DNAAF5: variants seen among roughly 807,000 people sequenced by gnomAD.
DNAAF5 encodes dynein axonemal assembly factor 5, also known as HEAT repeat containing 2.
DNAAF5 carries 64 observed loss-of-function variants against 75.8 expected under a neutral mutation model. The ratio of observed to expected loss-of-function variants is 0.84; its 90% CI spans 0.69 to 1.04. The LOEUF (loss-of-function observed/expected upper bound fraction) is 1.04, where lower values mean the gene tolerates loss of function less well. Among genes scored for constraint, DNAAF5 ranks in the 50% least tolerant of loss-of-function variants. The pLI is 0.00. For missense variants in DNAAF5, 1,269 were observed against 1,178.5 expected, an observed-to-expected ratio of 1.08 and a Z score of -1.12; for synonymous variants, 657 against 557.2, an observed-to-expected ratio of 1.18 and a Z score of -2.52.
At chr7:776,035 T>C (rs1197042098) in intron 11 of DNAAF5, among the ~76,000 whole-genome samples, 1 of 152,120 alleles carries the variant, frequency 6.6e-6, no homozygotes, top group Non-Finnish European at 1.5e-5. Flanking sequence ...TGGCTTGTTT[T>C]ATAGAAAAAA....
chr7:755,382 G>A (rs1414450835), intron 5 of DNAAF5, among the ~76,000 whole-genome samples: 1 of 152,078 alleles, frequency 6.6e-6, no homozygotes, highest in Non-Finnish European at 1.5e-5. Context: ...CTCCTCACTA[G>A]GCCGGGCCAC....
At chr7:769,088 G>A (rs1466603317) in intron 8 of DNAAF5, 13 of 725,914 alleles carry the variant, frequency 1.8e-5, no homozygotes, top group South Asian at 5.8e-5. Context: ...AGTACATTGC[G>A]TCTCCGTGTG....
intron 4 of DNAAF5, among the ~76,000 whole-genome samples, chr7:748,462 C>T (rs1011245999): frequency 1.3e-5 from 2 of 152,176 alleles, no homozygotes; most frequent in African/African-American, 4.8e-5. Context: ...TCCATTAAAT[C>T]GAGTTCTGTG....
Position 770,477 on chromosome 7 carries a change from C to T in DNAAF5, c.1790C>T (p.Ala597Val). The T allele has an allele frequency of 6.2e-7, 1 of 1,613,110 alleles. No individual in the cohort carries two copies. Among genetic ancestry groups the T allele is most frequent in the Middle Eastern group, 1.7e-4 (1 of 6,034 alleles). ...FSVIVAQSGP[A>V]LGEALPHVVP... The stretch of plus-strand genomic sequence containing the variant: ...CCTCTGTTGTGTCTTACAGGCCCTG[C>T]CCTGGGAGAAGCCCTGCCACACGTC... The change falls in exon 9 of 13, where the codon GCC becomes GTC. Residue 597 changes from alanine to valine, a missense_variant. By Grantham distance (64) the Ala-to-Val change is moderately conservative. Coordinates refer to ENST00000297440, the MANE Select transcript of DNAAF5 (RefSeq NM_017802.4).
intron 7 of DNAAF5, among the ~76,000 whole-genome samples, chr7:762,866 A>G (rs1041970569): frequency 1.2e-4 from 18 of 152,194 alleles, no homozygotes; most frequent in African/African-American, 4.1e-4. Context: ...CACCTGCCTC[A>G]GCCTCCCAAA....
At chr7:775,511 GGTGTGTGTGT>G (rs10582414) in intron 11 of DNAAF5, among the ~76,000 whole-genome samples, 32 of 150,504 alleles carry the variant, frequency 2.1e-4, no homozygotes, top group African/African-American at 7.8e-4. Context: ...TAAAAGTAGG[GGTGTGTGTGT>G]GTGTGTGTGT....
chr7:738,340 C>T (rs1454648974), intron 2 of DNAAF5, among the ~76,000 whole-genome samples: 4 of 152,068 alleles, frequency 2.6e-5, no homozygotes, highest in Non-Finnish European at 5.9e-5. Context: ...TTGGATTTTG[C>T]TGGGCTTCCT....
chr7:749,012 C>G (rs1250613089), intron 4 of DNAAF5, among the ~76,000 whole-genome samples: 2 of 152,210 alleles, frequency 1.3e-5, no homozygotes, highest in African/African-American at 2.4e-5. Flanking sequence ...AAGGTACACA[C>G]CATGTGGAAA....
chr7:773,208 C>G (rs376316309), intron 9 of DNAAF5, among the ~76,000 whole-genome samples: 1 of 152,194 alleles, frequency 6.6e-6, no homozygotes, highest in Non-Finnish European at 1.5e-5. Flanking sequence ...GCGTGTAAAT[C>G]ACACCACACC....
intron 4 of DNAAF5, among the ~76,000 whole-genome samples, chr7:745,179 C>T (rs1782044690): frequency 6.6e-6 from 1 of 152,190 alleles, no homozygotes; most frequent in Non-Finnish European, 1.5e-5. Context: ...GCCTGTCTGC[C>T]TAATTCATGC....
At chr7:755,714 G>A (rs1188430569) in intron 5 of DNAAF5, among the ~76,000 whole-genome samples, 3 of 152,128 alleles carry the variant, frequency 2.0e-5, no homozygotes, top group Non-Finnish European at 4.4e-5. Context: ...CTGGGCGACG[G>A]AATGAGACGC....
rs115650310 is a variant in DNAAF5 at position 744,950 on chromosome 7, G to A, written c.1024+3485G>A. On this transcript the variant is annotated intron_variant, in intron 4 of 12. Transcript: ENST00000297440. ...GGAACTTAGACACGAGGCCACTTAC[G>A]AACTCACTGTTGAACTCACACTCTT... is the stretch of plus-strand genomic sequence containing the variant. Among the ~76,000 whole-genome samples, 1,137 of 152,234 alleles carry A rather than the reference G, an allele frequency of 7.5e-3. 15 individuals are homozygous for A. The highest frequency in any genetic ancestry group is 0.026 in the African/African-American group (1,067 of 41,514).
intron 4 of DNAAF5, among the ~76,000 whole-genome samples, chr7:747,191 C>T (rs1234552120): frequency 6.6e-6 from 1 of 152,228 alleles, no homozygotes. Context: ...AGAAACTCAC[C>T]ACACACTGTT....
rs1039320097 is a variant in DNAAF5 at position 786,429 on chromosome 7, G to T, written c.*776G>T. 4 of 152,226 alleles carry T rather than the reference G, an allele frequency of 2.6e-5. No homozygotes were observed. The highest frequency in any genetic ancestry group is 5.9e-5 in the Non-Finnish European group (4 of 68,050). 9.4% of individuals were successfully genotyped at this position (152,226 alleles called of 1,614,324 possible). On this transcript the variant is annotated 3_prime_UTR_variant, in exon 13 of 13. Transcript: ENST00000297440. Reference sequence around the variant, plus strand: ...TATATATTTTTCAACAAATATTAACGTTTATACTTTCATGTTTGAAAATTT... The same window carrying T: ...TATATATTTTTCAACAAATATTAACTTTTATACTTTCATGTTTGAAAATTT...
chr7:731,393 A>G (rs1196000443), intron 2 of DNAAF5, among the ~76,000 whole-genome samples: 1 of 152,188 alleles, frequency 6.6e-6, no homozygotes, highest in Non-Finnish European at 1.5e-5. Context: ...CTGGAACTCT[A>G]TTGCTAGCTG....
intron 2 of DNAAF5, among the ~76,000 whole-genome samples, chr7:732,335 G>A (rs550443240): frequency 3.3e-5 from 5 of 152,366 alleles, no homozygotes; most frequent in East Asian, 1.9e-4. Context: ...ACGTATGGCC[G>A]TGCAGTTGTG....
chr7:740,379 C>T (rs934222231), intron 2 of DNAAF5, among the ~76,000 whole-genome samples: 5 of 152,218 alleles, frequency 3.3e-5, no homozygotes, highest in Non-Finnish European at 5.9e-5. Context: ...GGTATGGCCA[C>T]GGTGCACCAC....
At position 727,287 on chromosome 7, in the gene DNAAF5, C is replaced by T; in HGVS notation, c.567C>T (p.Cys189=). The change falls in exon 1 of 13, where the codon TGC becomes TGT. Residue 189 remains cysteine (C), a synonymous_variant. Transcript: ENST00000297440. ...FAAVRRESCS[C]AAALAQATPD... ...CCGTGCGCCGCGAGAGCTGCAGCTG[C>T]GCCGCCGCCCTGGCGCAGGCCACGC... The T allele has an allele frequency of 7.7e-7, 1 of 1,306,414 alleles. No individual in the cohort carries two copies. The highest frequency in any genetic ancestry group is 9.7e-7 in the Non-Finnish European group (1 of 1,031,718). The allele number at this position is 1,306,414 out of a possible 1,614,324, so 80.9% of individuals were successfully genotyped here.
chr7:737,784 G>A (rs138408628), intron 2 of DNAAF5, among the ~76,000 whole-genome samples: 54 of 152,344 alleles, frequency 3.5e-4, no homozygotes, highest in African/African-American at 1.0e-3. Flanking sequence ...GTTGCCAGGC[G>A]TACTGGAGCT....
Sources: allele counts gnomAD v4.1 joint callset (sites outside exome capture counted in the v4.1 genomes callset), GRCh38; gene constraint gnomAD v4.1.1; transcripts MANE v1.5; gene names NCBI Gene and HGNC (gene_info 2026-07-23, HGNC 2026-07-21).